ATL2: variants seen among roughly 807,000 people sequenced by gnomAD.
ATL2 encodes atlastin GTPase 2, also known as atlastin-2.
ATL2 carries 31 observed loss-of-function variants against 73.9 expected under a neutral mutation model. The observed-to-expected ratio is 0.42, with a 90% CI of 0.32 to 0.57. ATL2 has a LOEUF of 0.57. ATL2 is among the 20% of genes least tolerant of loss of function. The pLI is 0.14. For missense variants in ATL2, 738 were observed against 702.6 expected (o/e 1.05, Z -0.57); for synonymous variants, 291 against 237.5 (o/e 1.23, Z -2.07).
chr2:38,377,372 G>T (rs1672053740), upstream of ATL2: 3 of 799,982 alleles, frequency 3.8e-6, no homozygotes, highest in Non-Finnish European at 5.6e-6. Context: ...CTCTCCGCCT[G>T]TATCTCCTCG....
At chr2:38,354,627 C>A in intron 1 of ATL2, among the ~76,000 whole-genome samples, 1 of 151,860 alleles carries the variant, frequency 6.6e-6, no homozygotes, top group Non-Finnish European at 1.5e-5. Context: ...TGGTGGCTCA[C>A]GTCTGTAATC....
intron 2 of ATL2, among the ~76,000 whole-genome samples, chr2:38,325,698 G>GAACA (rs1558412109): frequency 1.5e-3 from 6 of 4,108 alleles, no homozygotes; most frequent in East Asian, 0.013. Context: ...ACACACACCA[G>GAACA]TACACACACA....
intron 1 of ATL2, among the ~76,000 whole-genome samples, chr2:38,369,214 C>T (rs555258171): frequency 8.5e-5 from 13 of 152,060 alleles, no homozygotes; most frequent in African/African-American, 3.1e-4. Flanking sequence ...CTTTGGGAGG[C>T]CAAGGTGGGT....
rs1240804883 is a variant in ATL2 at position 38,294,653 on chromosome 2, AG to A, written c.*1340del. ...TACATATACCACCAAAAAAAAAAAA[AG>A]AGAGAGAAAGAAATTAACAATCCCC... On this transcript the variant is annotated 3_prime_UTR_variant, in exon 13 of 13. Coordinates refer to ENST00000378954, the MANE Select transcript of ATL2 (RefSeq NM_001135673.4). Among the ~76,000 whole-genome samples, 7 of 148,028 alleles carry A rather than the reference AG, an allele frequency of 4.7e-5. No individual in the cohort carries two copies. The highest frequency in any genetic ancestry group is 1.2e-4 in the African/African-American group (5 of 40,252).
At chr2:38,327,878 G>C (rs1488093160) in intron 2 of ATL2, among the ~76,000 whole-genome samples, 1 of 152,222 alleles carries the variant, frequency 6.6e-6, no homozygotes, top group Non-Finnish European at 1.5e-5. Flanking sequence ...GGAGGTTGCA[G>C]TGAGCCGAGA....
At chr2:38,345,160 G>A (rs570438586) in intron 1 of ATL2, among the ~76,000 whole-genome samples, 1 of 152,018 alleles carries the variant, frequency 6.6e-6, no homozygotes, top group Non-Finnish European at 1.5e-5. Context: ...ATTTCTAAGA[G>A]ATCCCCTCCT....
chr2:38,355,169 C>T (rs2124449081), intron 1 of ATL2, among the ~76,000 whole-genome samples: 1 of 152,228 alleles, frequency 6.6e-6, no homozygotes, highest in Non-Finnish European at 1.5e-5. Context: ...TCTTGTTGCC[C>T]AGGCTGGAGT....
intron 8 of ATL2, among the ~76,000 whole-genome samples, chr2:38,309,719 C>G (rs1408980770): frequency 1.3e-5 from 2 of 152,048 alleles, no homozygotes; most frequent in Non-Finnish European, 2.9e-5. Flanking sequence ...CCCCAACCCC[C>G]TAGTAACACT....
At position 38,377,203 on chromosome 2, in the gene ATL2, G is replaced by A. The variant is rs369253959; in HGVS notation, c.58C>T (p.Arg20Trp). The A allele has an allele frequency of 3.5e-5, 57 of 1,609,748 alleles. No individual in the cohort carries two copies. In the Middle Eastern group the frequency reaches 5.8e-4, roughly 16 times the overall value. Residue 20 changes from arginine (R) to tryptophan (W), a missense_variant, in exon 1 of 13, where the codon CGG (arginine) becomes TGG (tryptophan). Physicochemically the swap from Arg to Trp is moderately radical, Grantham distance 101. Transcript: ENST00000378954. ...GQQPHQGLWR[R>W]RRTSDPSAAV... ...GCGCTTGGGTCGCTGGTCCGTCGCC[G>A]GCGCCACAGCCCCTGGTGCGGTTGC...
chr2:38,369,628 G>C (rs977676538), intron 1 of ATL2, among the ~76,000 whole-genome samples: 15 of 151,474 alleles, frequency 9.9e-5, no homozygotes, highest in Non-Finnish European at 1.9e-4. Flanking sequence ...GCACACACCT[G>C]TAAGTCCCAG....
At chr2:38,331,029 G>A (rs1401053341) in intron 2 of ATL2, among the ~76,000 whole-genome samples, 2 of 152,264 alleles carry the variant, frequency 1.3e-5, no homozygotes, top group East Asian at 1.9e-4. Flanking sequence ...ATGGCCGGGC[G>A]TGGTGGCTCA....
At chr2:38,366,626 C>G (rs1314494663) in intron 1 of ATL2, among the ~76,000 whole-genome samples, 2 of 152,216 alleles carry the variant, frequency 1.3e-5, no homozygotes, top group African/African-American at 2.4e-5. Flanking sequence ...TATTCCTCAA[C>G]AACTCTAGCA....
intron 1 of ATL2, among the ~76,000 whole-genome samples, chr2:38,363,139 A>G (rs1671106037): frequency 6.6e-6 from 1 of 152,228 alleles, no homozygotes; most frequent in Non-Finnish European, 1.5e-5. Context: ...ACTGAAGCTC[A>G]GATAAAGCAA....
chr2:38,319,071 A>G (rs555379514), intron 2 of ATL2, 52 bp from the exon 3 acceptor site: 56 of 1,559,092 alleles, frequency 3.6e-5, no homozygotes, highest in Middle Eastern at 1.7e-4. Context: ...GAAATAAAAG[A>G]AACCAAAAAA....
intron 1 of ATL2, among the ~76,000 whole-genome samples, chr2:38,364,724 T>C (rs1225678440): frequency 6.6e-6 from 1 of 152,188 alleles, no homozygotes; most frequent in Non-Finnish European, 1.5e-5. Flanking sequence ...AGGCATATAG[T>C]TTAAGAATTC....
intron 2 of ATL2, among the ~76,000 whole-genome samples, chr2:38,339,945 C>A (rs959253608): frequency 6.6e-6 from 1 of 152,164 alleles, no homozygotes; most frequent in African/African-American, 2.4e-5. Flanking sequence ...CCCACCTCGG[C>A]CTCCCAAAGT....
intron 1 of ATL2, chr2:38,354,117 G>T (rs1407045787): frequency 4.9e-6 from 2 of 410,360 alleles, no homozygotes; most frequent in Non-Finnish European, 9.6e-6. Flanking sequence ...ACTTGAACCC[G>T]GGAGGTTGCA....
intron 12 of ATL2, chr2:38,297,845 T>C (rs911156894): frequency 1.8e-5 from 4 of 216,618 alleles, no homozygotes; most frequent in Non-Finnish European, 3.6e-5. Context: ...TTATATTTTC[T>C]TTCCTCAAAG....
At chr2:38,376,054 A>T in intron 1 of ATL2, 1 of 1,380,736 alleles carries the variant, frequency 7.2e-7, no homozygotes, top group Non-Finnish European at 9.5e-7. Context: ...TAAAAAAAGA[A>T]ATCTTAAGAC....
Sources: allele counts gnomAD v4.1 joint callset (sites outside exome capture counted in the v4.1 genomes callset), GRCh38; gene constraint gnomAD v4.1.1; transcripts MANE v1.5; gene names NCBI Gene and HGNC (gene_info 2026-07-23, HGNC 2026-07-21).